ZNF280D: variants seen among roughly 807,000 people sequenced by gnomAD.
ZNF280D encodes the protein zinc finger protein 280D.
ZNF280D carries 39 observed loss-of-function variants against 94.7 expected under a neutral mutation model. The ratio of observed to expected loss-of-function variants is 0.41; its 90% CI spans 0.32 to 0.54. The LOEUF is 0.54. Ranked by LOEUF, ZNF280D falls within the 20% of genes least tolerant of loss-of-function variation. The pLI is 0.22. For missense variants in ZNF280D, 1,090 were observed against 1,149.3 expected, an observed-to-expected ratio of 0.95 and a Z score of 0.75; for synonymous variants, 398 against 377.6, an observed-to-expected ratio of 1.05 and a Z score of -0.63.
intron 10 of ZNF280D, among the ~76,000 whole-genome samples, chr15:56,681,515 A>G (rs2055617614): frequency 6.6e-6 from 1 of 152,184 alleles, no homozygotes. Context: ...TTAATATCTG[A>G]AAATTTTTAT....
chr15:56,680,995 C>T (rs1566974384), intron 10 of ZNF280D, among the ~76,000 whole-genome samples: 1 of 152,270 alleles, frequency 6.6e-6, no homozygotes, highest in East Asian at 1.9e-4. Context: ...CGTTTTATCT[C>T]AAAATACACT....
intron 17 of ZNF280D, among the ~76,000 whole-genome samples, chr15:56,655,448 AG>A (rs2053485847): frequency 3.7e-4 from 1 of 2,708 alleles, no homozygotes; most frequent in South Asian, 0.1. Flanking sequence ...CCTTGTGATC[AG>A]CCCCACCTCG....
chr15:56,686,067 GC>G (rs1213893213), intron 9 of ZNF280D, among the ~76,000 whole-genome samples: 1 of 152,128 alleles, frequency 6.6e-6, no homozygotes, highest in African/African-American at 2.4e-5. Flanking sequence ...TAGAATTTGG[GC>G]TAAAAGGCAC....
intron 13 of ZNF280D, among the ~76,000 whole-genome samples, chr15:56,675,952 T>C (rs543962141): frequency 6.6e-6 from 1 of 152,000 alleles, no homozygotes; most frequent in Non-Finnish European, 1.5e-5. Flanking sequence ...TGCATCAAAA[T>C]TTTTAGCCCA....
chr15:56,689,822 T>C (rs2056317733), intron 7 of ZNF280D, among the ~76,000 whole-genome samples: 3 of 152,000 alleles, frequency 2.0e-5, no homozygotes, highest in African/African-American at 7.2e-5. Flanking sequence ...AAATGAATTA[T>C]CTTTAGATGC....
At chr15:56,733,261 C>A (rs561098225) in intron 1 of ZNF280D, among the ~76,000 whole-genome samples, 197 bp downstream of exon 1, 18 of 152,074 alleles carry the variant, frequency 1.2e-4, no homozygotes, top group African/African-American at 2.2e-4. Flanking sequence ...CCTCCTCCCC[C>A]GCCTGGGCCG....
chr15:56,670,850 T>G (rs2054814627), intron 13 of ZNF280D, among the ~76,000 whole-genome samples: 2 of 152,084 alleles, frequency 1.3e-5, no homozygotes, highest in Admixed American at 6.6e-5. Flanking sequence ...ATCTATTATT[T>G]TTTTATCTTT....
At chr15:56,642,083 A>G (rs1206881352) in intron 20 of ZNF280D, among the ~76,000 whole-genome samples, 14 of 151,758 alleles carry the variant, frequency 9.2e-5, no homozygotes, top group Admixed American at 8.5e-4. Context: ...CTCAATATAC[A>G]TAAGATTCGA....
intron 16 of ZNF280D, among the ~76,000 whole-genome samples, chr15:56,663,925 A>G (rs1159196472): frequency 6.6e-6 from 1 of 152,134 alleles, no homozygotes; most frequent in Non-Finnish European, 1.5e-5. Flanking sequence ...AGAAGAAATG[A>G]AGAAATGATA....
intron 1 of ZNF280D, among the ~76,000 whole-genome samples, chr15:56,720,977 G>GGGA (rs2058327241): frequency 1.8e-5 from 2 of 111,130 alleles, no homozygotes; most frequent in Non-Finnish European, 3.8e-5. Context: ...TTTTGGGGGG[G>GGGA]GGGGGGACAG....
intron 6 of ZNF280D, chr15:56,697,874 T>G (rs1447761478): frequency 6.6e-6 from 1 of 152,226 alleles, no homozygotes; most frequent in African/African-American, 2.4e-5. Flanking sequence ...AGTGGCATTG[T>G]TTCACATCTT....
intron 21 of ZNF280D, among the ~76,000 whole-genome samples, chr15:56,632,850 A>T (rs2052151265): frequency 6.6e-6 from 1 of 152,122 alleles, no homozygotes; most frequent in African/African-American, 2.4e-5. Context: ...AAATCAGATA[A>T]GCATTCAAAC....
At chr15:56,704,385 AT>A (rs2057274356) in intron 3 of ZNF280D, 118 bp from the exon 4 acceptor site, 1 of 1,010,360 alleles carries the variant, frequency 9.9e-7, no homozygotes, top group African/African-American at 1.7e-5. Context: ...CAATTTCTGA[AT>A]TGATATTTGT....
chr15:56,722,481 T>C (rs1336452882), intron 1 of ZNF280D, among the ~76,000 whole-genome samples: 1 of 152,204 alleles, frequency 6.6e-6, no homozygotes, highest in Non-Finnish European at 1.5e-5. Flanking sequence ...TACAGCATTA[T>C]TCATAATAGC....
chr15:56,635,386 A>G lies in ZNF280D; in HGVS notation c.2260-136T>C, dbSNP rs191386916. The G allele has an allele frequency of 1.8e-3, 430 of 240,378 alleles. 2 individuals carry two copies. Among genetic ancestry groups the G allele is most frequent in the Non-Finnish European group, 3.0e-3 (392 of 132,488 alleles). 14.9% of individuals were successfully genotyped at this position (240,378 alleles called of 1,614,324 possible). A position where few individuals can be genotyped will look rare whatever the true frequency, so the allele number is the denominator to read the frequency against. Reference sequence around the variant, plus strand: ...AAGAAATAGAAAAATAATTTATTAAATATAAAATATAATTAGAATACTCCA... The same window carrying G: ...AAGAAATAGAAAAATAATTTATTAAGTATAAAATATAATTAGAATACTCCA... On this transcript the variant is annotated intron_variant, in intron 20 of 21. Coordinates refer to ENST00000267807, the MANE Select transcript of ZNF280D (RefSeq NM_017661.4).
intron 6 of ZNF280D, among the ~76,000 whole-genome samples, chr15:56,693,756 T>C (rs1421590907): frequency 6.6e-6 from 1 of 152,104 alleles, no homozygotes; most frequent in African/African-American, 2.4e-5. Context: ...ACAAACGGAA[T>C]CAATCTGCAG....
chr15:56,720,072 C>G (rs1185698888), intron 1 of ZNF280D, among the ~76,000 whole-genome samples: 1 of 151,964 alleles, frequency 6.6e-6, no homozygotes, highest in African/African-American at 2.4e-5. Flanking sequence ...GCACATCCAT[C>G]GACTTTTCCT....
At chr15:56,668,728 GAAGTCATTTAA>G (rs2054471029) in intron 14 of ZNF280D, 84 bp downstream of exon 14, 1 of 1,177,712 alleles carries the variant, frequency 8.5e-7, no homozygotes, top group Non-Finnish European at 1.1e-6. Flanking sequence ...GCAAAAATCT[GAAGTCATTTAA>G]AAATACATTC....
intron 1 of ZNF280D, among the ~76,000 whole-genome samples, chr15:56,713,947 TAAAC>T (rs1285354301): frequency 6.6e-6 from 1 of 152,160 alleles, no homozygotes; most frequent in Non-Finnish European, 1.5e-5. Context: ...TCATAAGCGA[TAAAC>T]AATAATATAA....
Sources: gnomAD v4.1 joint callset for allele counts (sites outside exome capture counted in the v4.1 genomes callset) on GRCh38, gnomAD v4.1.1 for gene constraint, MANE v1.5 for transcripts, NCBI Gene and HGNC (gene_info 2026-07-23, HGNC 2026-07-21) for gene names.